The following MKLN1 variants were observed in gnomAD, a reference collection of about 807,000 sequenced individuals.
The protein encoded by MKLN1 is muskelin.
Under a neutral mutation model 99.0 loss-of-function variants are expected in MKLN1, and 18 were observed. That is an observed-to-expected ratio of 0.18 (90% CI 0.13 to 0.27). The LOEUF (loss-of-function observed/expected upper bound fraction) is 0.27. MKLN1 is among the 10% of genes least tolerant of loss of function. The pLI, the probability that MKLN1 is intolerant of heterozygous loss-of-function variation, is 1.00. For synonymous variants in MKLN1, 288 were observed against 293.2 expected (o/e 0.98, Z 0.18); for missense variants, 621 against 875.9 (o/e 0.71, Z 3.67).
At chr7:131,481,827 A>C (rs1797129586) in intron 17 of MKLN1, among the ~76,000 whole-genome samples, 3 of 152,026 alleles carry the variant, frequency 2.0e-5, no homozygotes, top group Admixed American at 2.0e-4. Flanking sequence ...AAAAAAAAAA[A>C]AAAAACCTCA....
chr7:131,247,235 C>CTTTTTTTTTTTTTTTTTTTTTTT (rs72068521), intron 3 of MKLN1, among the ~76,000 whole-genome samples: 9 of 141,146 alleles, frequency 6.4e-5, no homozygotes, highest in East Asian at 4.3e-4. Flanking sequence ...TTTCTTTTTT[C>CTTTTTTTTTTTTTTTTTTTTTTT]TTTTTTTTTT....
At chr7:131,167,073 A>C (rs896498480) in intron 2 of MKLN1, among the ~76,000 whole-genome samples, 23 of 151,954 alleles carry the variant, frequency 1.5e-4, no homozygotes, top group African/African-American at 4.6e-4. Context: ...CCCTCTCTCC[A>C]GTTTCCTCTT....
chr7:131,349,759 TG>T (rs1799665911), intron 1 of MKLN1, among the ~76,000 whole-genome samples: 1 of 152,254 alleles, frequency 6.6e-6, no homozygotes, highest in Non-Finnish European at 1.5e-5. Flanking sequence ...TTTTTTGTTT[TG>T]GGGAGACACC....
intron 3 of MKLN1, among the ~76,000 whole-genome samples, chr7:131,316,305 G>A (rs1484021737): frequency 6.6e-6 from 1 of 152,188 alleles, no homozygotes; most frequent in Non-Finnish European, 1.5e-5. Context: ...TGATACCCAG[G>A]CAAATAGGGT....
intron 3 of MKLN1, among the ~76,000 whole-genome samples, chr7:131,204,493 A>AT (rs1160927765): frequency 1.3e-5 from 2 of 152,226 alleles, no homozygotes; most frequent in Non-Finnish European, 2.9e-5. Context: ...GTAGTATCCA[A>AT]TAGAACATCA....
At position 131,246,494 on chromosome 7, in the gene MKLN1, T is replaced by C. The variant is rs563048648; in HGVS notation, c.-179+43520T>C. ...TTTAACAATAAAGTATTTCTTTGATTGCTACAGAGATCTTCTTTTATGATT... is the reference window on the plus strand; with the variant it reads ...TTTAACAATAAAGTATTTCTTTGATCGCTACAGAGATCTTCTTTTATGATT... On this transcript the variant is annotated intron_variant, in intron 3 of 7. Coordinates refer to the MKLN1 transcript ENST00000416992. Among the ~76,000 whole-genome samples, 11 of 152,344 alleles carry C rather than the reference T, an allele frequency of 7.2e-5. No individual in the cohort carries two copies. In the South Asian group the frequency reaches 2.3e-3, roughly 32 times the overall value.
At chr7:131,195,444 G>A (rs1796628684) in intron 2 of MKLN1, among the ~76,000 whole-genome samples, 1 of 151,812 alleles carries the variant, frequency 6.6e-6, no homozygotes, top group African/African-American at 2.4e-5. Context: ...CTGGGAGGTG[G>A]AGGTTGCAAC....
chr7:131,233,999 G>T (rs531326537), intron 3 of MKLN1, among the ~76,000 whole-genome samples: 39 of 151,798 alleles, frequency 2.6e-4, no homozygotes, highest in African/African-American at 8.7e-4. Context: ...ATTTTTTTGA[G>T]ATGAAGTCTT....
intron 16 of MKLN1, 36 bp downstream of exon 16, chr7:131,470,980 T>C (rs1796804345): frequency 5.0e-6 from 7 of 1,392,446 alleles, no homozygotes; most frequent in African/African-American, 1.4e-5. Flanking sequence ...AGAAATTAAG[T>C]ATTTTTAAAT....
intron 17 of MKLN1, among the ~76,000 whole-genome samples, chr7:131,480,568 G>A (rs1207808147): frequency 1.3e-5 from 2 of 152,170 alleles, no homozygotes; most frequent in Non-Finnish European, 2.9e-5. Context: ...AGACTGAGCA[G>A]ACTGCTATAA....
intron 16 of MKLN1, among the ~76,000 whole-genome samples, chr7:131,476,551 A>G (rs966227730): frequency 3.3e-5 from 5 of 152,254 alleles, no homozygotes; most frequent in African/African-American, 1.2e-4. Context: ...AGCATCAGAC[A>G]TATCAAATGG....
chr7:131,465,331 T>G (rs1441572920), intron 14 of MKLN1, among the ~76,000 whole-genome samples: 1 of 152,172 alleles, frequency 6.6e-6, no homozygotes, highest in Non-Finnish European at 1.5e-5. Flanking sequence ...TTCTACCACT[T>G]ACGAAAGTGA....
At chr7:131,122,863 T>C (rs549049692) in intron 1 of MKLN1, among the ~76,000 whole-genome samples, 9 of 151,040 alleles carry the variant, frequency 6.0e-5, no homozygotes, top group African/African-American at 2.2e-4. Flanking sequence ...CTACTAAAAA[T>C]ACAAAAAAAA....
In MKLN1 at chr7:131,371,829, A is replaced by T. The variant is rs146897556; in HGVS notation, c.99-3595A>T. 6.2e-4 allele frequency among the ~76,000 whole-genome samples: 94 copies of T among 151,636 alleles called. 5 individuals are homozygous for T. The East Asian group carries it at 0.018, about 29-fold the overall frequency. On this transcript the variant is annotated intron_variant, in intron 1 of 17. Transcript: ENST00000352689. ...AGAGCTGTTAATCTCCTATTTTTAG[A>T]ATCAATTTCTTCTCATATTTACTGT...
At chr7:131,116,680 A>T (rs1302457840) in intron 1 of MKLN1, among the ~76,000 whole-genome samples, 2 of 151,760 alleles carry the variant, frequency 1.3e-5, no homozygotes, top group Non-Finnish European at 2.9e-5. Flanking sequence ...CCACAAATCC[A>T]TAAAAAAAAA....
At chr7:131,226,134 C>G (rs1006166714) in intron 3 of MKLN1, among the ~76,000 whole-genome samples, 3 of 152,102 alleles carry the variant, frequency 2.0e-5, no homozygotes, top group African/African-American at 7.2e-5. Context: ...TCCTTGGCCC[C>G]TTTCTCAAAA....
intron 17 of MKLN1, among the ~76,000 whole-genome samples, chr7:131,481,812 GC>G (rs148833164): frequency 0.27 from 19,108 of 70,894 alleles, 1,576 homozygotes; most frequent in Admixed American, 0.41. Flanking sequence ...TCTAAGGTCT[GC>G]AAAAAAAAAA....
intron 3 of MKLN1, among the ~76,000 whole-genome samples, chr7:131,307,866 G>A (rs1798491215): frequency 6.6e-6 from 1 of 152,206 alleles, no homozygotes; most frequent in Non-Finnish European, 1.5e-5. Flanking sequence ...GGCTGTTGAG[G>A]AGGAATAATT....
At chr7:131,195,364 A>G (rs1038955083) in intron 2 of MKLN1, among the ~76,000 whole-genome samples, 5 of 151,950 alleles carry the variant, frequency 3.3e-5, no homozygotes, top group Non-Finnish European at 5.9e-5. Context: ...CACAAAAAGT[A>G]GCCAGGCATG....
Sources: gnomAD v4.1 joint callset for allele counts (sites outside exome capture counted in the v4.1 genomes callset) on GRCh38, gnomAD v4.1.1 for gene constraint, MANE v1.5 for transcripts, NCBI Gene and HGNC (gene_info 2026-07-23, HGNC 2026-07-21) for gene names.